The following SLC26A4 variants were observed in gnomAD, a reference collection of about 807,000 sequenced individuals.
SLC26A4 encodes solute carrier family 26 member 4.
Under a neutral mutation model 90.4 loss-of-function variants are expected in SLC26A4, and 93 were observed. That is an observed-to-expected ratio of 1.03 (90% CI 0.87 to 1.22). The LOEUF (loss-of-function observed/expected upper bound fraction) is 1.22, where lower values mean the gene tolerates loss of function less well. SLC26A4 is among the 50% of genes most tolerant of loss of function. The pLI, the probability that SLC26A4 is intolerant of heterozygous loss-of-function variation, is 0.00. For synonymous variants in SLC26A4, 393 were observed against 354.6 expected (o/e 1.11, Z -1.22); for missense variants, 1,127 against 946.2 (o/e 1.19, Z -2.51).
rs1792140379 is a variant in SLC26A4 at position 107,710,111 on chromosome 7, A to G, written c.2147A>G (p.Asp716Gly). The G allele has an allele frequency of 5.0e-6, 8 of 1,610,718 alleles. No individual in the cohort carries two copies. The East Asian group carries it at 6.7e-5, about 13-fold the overall frequency. Residue 716 changes from aspartate to glycine, a missense_variant, in exon 19 of 21, where the codon GAC becomes GGC. Physicochemically the swap from Asp to Gly is moderately conservative, Grantham distance 94 (BLOSUM62 -1). Coordinates refer to ENST00000644269, the MANE Select transcript of SLC26A4 (RefSeq NM_000441.2). Reference sequence around the variant, plus strand: ...TTCTTTGACGACAACATTAGAAAGGACACATTCTTTTTGACGGTCCATGAT... The same window carrying G: ...TTCTTTGACGACAACATTAGAAAGGGCACATTCTTTTTGACGGTCCATGAT... ...CGFFDDNIRK[D>G]TFFLTVHDAI...
rs35161285 is a variant in SLC26A4 at position 107,699,927 on chromosome 7, CAAA to C, written c.1615-142_1615-140del. Among the ~76,000 whole-genome samples the C allele has an allele frequency of 0.68, 96,032 of 140,224 alleles. 32,039 individuals carry two copies. Among genetic ancestry groups the C allele is most frequent in the East Asian group, 0.93 (4,601 of 4,950 alleles). The allele number at this position is 140,224 out of a possible 152,430, so 92.0% of individuals were successfully genotyped here. A position where few individuals can be genotyped will look rare whatever the true frequency, so the allele number is the denominator to read the frequency against. ...TGCGCAACAGAGTGAAACTCCATCTCAAAAAAAAAAAAAAAAGAAAAGAAAGAA... is the reference window on the plus strand; with the variant it reads ...TGCGCAACAGAGTGAAACTCCATCTCAAAAAAAAAAAAAGAAAAGAAAGAA... On this transcript the variant is annotated intron_variant, in intron 14 of 20. Transcript: ENST00000644269.
chr7:107,661,805 G>A lies in SLC26A4; in HGVS notation c.164G>A (p.Ser55Asn). 1 of 1,535,718 alleles carries A rather than the reference G, an allele frequency of 6.5e-7. No individual in the cohort carries two copies. The highest frequency in any genetic ancestry group is 8.7e-7 in the Non-Finnish European group (1 of 1,146,220). ...TLRESLAKCC[S>N]CSRKRAFGVL... ...CGGGAGAGCCTGGCCAAGTGCTGCA[G>A]GTAGCGGCCGCGCGGGCCTGCGTAG... Residue 55 changes from serine to asparagine, a missense_variant and splice_region_variant, in exon 2 of 21, where the codon AGT (serine) becomes AAT (asparagine). Transcript: ENST00000644269. The surrounding 1 kb of genome is among the most constrained non-coding windows in gnomAD (Gnocchi z 5.1).
chr7:107,710,665 G>T (rs1383490417), intron 19 of SLC26A4, among the ~76,000 whole-genome samples: 2 of 152,178 alleles, frequency 1.3e-5, no homozygotes, highest in Non-Finnish European at 2.9e-5. Context: ...GAAGCCCAGG[G>T]TTAATTTTTC....
At position 107,674,465 on chromosome 7, in the gene SLC26A4, A is replaced by G. The variant is rs370624024; in HGVS notation, c.600+117A>G. ...AAACAAAGTAATTTCCTGGAACCCA[A>G]AATTATTTTCTAAATTACGTTGTTT... On this transcript the variant is annotated intron_variant, in intron 5 of 20. Transcript: ENST00000644269. 359 of 881,940 alleles carry G rather than the reference A, an allele frequency of 4.1e-4. 4 individuals carry two copies. In the South Asian group the frequency reaches 5.1e-3, roughly 13 times the overall value. The allele number at this position is 881,940 out of a possible 1,614,324, so 54.6% of individuals were successfully genotyped here. A position where few individuals can be genotyped will look rare whatever the true frequency, so the allele number is the denominator to read the frequency against.
Position 107,695,952 on chromosome 7 carries a change from G to A in SLC26A4, c.1457G>A (p.Cys486Tyr), listed in dbSNP as rs765718622. Residue 486 changes from cysteine to tyrosine, a missense_variant, in exon 13 of 21, where the codon TGT becomes TAT. Physicochemically the swap from Cys to Tyr is radical, Grantham distance 194. Transcript: ENST00000644269. The part of the protein sequence containing the change: ...KIDAVIWVFT[C>Y]IVSIILGLDL... ...CCCTAGGTTATCTGGGTGTTTACGT[G>A]TATAGTGTCCATCATTCTGGGGCTG... 5.6e-6 allele frequency: 9 copies of A among 1,604,166 alleles called. No homozygotes were observed. The South Asian group carries it at 8.8e-5, about 16-fold the overall frequency.
intron 18 of SLC26A4, among the ~76,000 whole-genome samples, chr7:107,705,642 G>GT (rs34431815): frequency 0.5 from 76,698 of 151,930 alleles, 19,867 homozygotes; most frequent in East Asian, 0.64. Flanking sequence ...TCCATGACTG[G>GT]TTAAATTAAA....
At chr7:107,673,101 C>T (rs573454669) in intron 4 of SLC26A4, among the ~76,000 whole-genome samples, 5 of 152,222 alleles carry the variant, frequency 3.3e-5, no homozygotes, top group African/African-American at 1.2e-4. Context: ...GTGTTGAGTG[C>T]TTGACTAGAT....
intron 3 of SLC26A4, among the ~76,000 whole-genome samples, chr7:107,666,647 G>C (rs1004318421): frequency 1.3e-5 from 2 of 152,144 alleles, no homozygotes; most frequent in African/African-American, 4.8e-5. Context: ...GAGTGTACCA[G>C]GTAAAGGTGC....
chr7:107,663,334 T>A lies in SLC26A4; in HGVS notation c.203T>A (p.Leu68His), dbSNP rs749712560. The A allele has an allele frequency of 7.4e-6, 12 of 1,614,098 alleles. No homozygotes were observed. The highest frequency in any genetic ancestry group is 1.0e-5 in the Non-Finnish European group (12 of 1,180,038). The change falls in exon 3 of 21, where the codon CTT becomes CAT. Residue 68 changes from leucine (L) to histidine (H), a missense_variant. Coordinates refer to ENST00000644269, the MANE Select transcript of SLC26A4 (RefSeq NM_000441.2). ...AGAGCCTTTGGTGTGCTAAAGACTC[T>A]TGTGCCCATCTTGGAGTGGCTCCCC... ...RKRAFGVLKT[L>H]VPILEWLPKY...
At chr7:107,682,472 G>C (rs2129314263) in intron 6 of SLC26A4, among the ~76,000 whole-genome samples, 1 of 151,962 alleles carries the variant, frequency 6.6e-6, no homozygotes, top group East Asian at 1.9e-4. Context: ...AGTATGCTTG[G>C]CCTATATGTC....
At chr7:107,664,772 G>A (rs576530803) in intron 3 of SLC26A4, among the ~76,000 whole-genome samples, 1 of 152,118 alleles carries the variant, frequency 6.6e-6, no homozygotes, top group Non-Finnish European at 1.5e-5. Flanking sequence ...TATAGTTGGT[G>A]CCTAGCAGCA....
At chr7:107,693,503 C>G in intron 10 of SLC26A4, 10 of 985,520 alleles carry the variant, frequency 1.0e-5, no homozygotes, top group Non-Finnish European at 1.2e-5. Flanking sequence ...TGTTTCCTCT[C>G]TGATTGCTTT....
At chr7:107,685,566 C>T (rs1791374462) in intron 8 of SLC26A4, among the ~76,000 whole-genome samples, 1 of 152,140 alleles carries the variant, frequency 6.6e-6, no homozygotes, top group Admixed American at 6.5e-5. Flanking sequence ...TAAGTTAGTC[C>T]CCAATAACAA....
rs1249441022 is a variant in SLC26A4, at chr7:107,716,636, T to A, written c.*1190T>A. 2 of 152,222 alleles carry A rather than the reference T, an allele frequency of 1.3e-5. No homozygotes were observed. The highest frequency in any genetic ancestry group is 2.1e-4 in the South Asian group (1 of 4,834). 9.4% of individuals were successfully genotyped at this position (152,222 alleles called of 1,614,324 possible). On this transcript the variant is annotated 3_prime_UTR_variant, in exon 21 of 21. Coordinates refer to ENST00000644269, the MANE Select transcript of SLC26A4 (RefSeq NM_000441.2). ...TGCCAACAATTTTCTAGATATTATA[T>A]ACAACACAGGCTTTGATCTTGGGGA... is the stretch of plus-strand genomic sequence containing the variant.
chr7:107,713,947 C>T (rs966874376), intron 20 of SLC26A4, among the ~76,000 whole-genome samples: 5 of 151,960 alleles, frequency 3.3e-5, no homozygotes, highest in East Asian at 3.9e-4. Context: ...CTGAGTCTTA[C>T]TCTGTCACCT....
chr7:107,673,662 T>A (rs1790934011), intron 4 of SLC26A4, among the ~76,000 whole-genome samples: 1 of 152,204 alleles, frequency 6.6e-6, no homozygotes, highest in Non-Finnish European at 1.5e-5. Flanking sequence ...TGTATTCTAA[T>A]AACTACCTAC....
chr7:107,714,796 T>C (rs1215973972), intron 20 of SLC26A4, among the ~76,000 whole-genome samples: 1 of 152,096 alleles, frequency 6.6e-6, no homozygotes, highest in African/African-American at 2.4e-5. Flanking sequence ...TATTAGTATC[T>C]TCATGTAAAG....
rs1562822565 is a variant in SLC26A4, at chr7:107,672,150, C to T, written c.317C>T (p.Ala106Val). Residue 106 changes from alanine to valine, a missense_variant, in exon 4 of 21, where the codon GCC becomes GTC. Transcript: ENST00000644269. ...CATGTGCTTTCAGGGATGGCATATG[C>T]CCTACTAGCTGCAGTTCCTGTCGGA... ...LVATLQGMAY[A>V]LLAAVPVGYG... 2 of 1,607,844 alleles carry T rather than the reference C, an allele frequency of 1.2e-6. No individual in the cohort carries two copies. Among genetic ancestry groups the T allele is most frequent in the Non-Finnish European group, 8.5e-7 (1 of 1,174,518 alleles).
chr7:107,693,676 A>G, intron 10 of SLC26A4: 2 of 991,526 alleles, frequency 2.0e-6, no homozygotes, highest in Non-Finnish European at 2.4e-6. Flanking sequence ...GGATCTTAGG[A>G]GAGCTATTTT....
Sources: gnomAD v4.1 joint callset for allele counts (sites outside exome capture counted in the v4.1 genomes callset) on GRCh38, gnomAD v4.1.1 for gene constraint, Gnocchi (gnomAD v3.1) non-coding constraint, MANE v1.5 for transcripts, NCBI Gene and HGNC (gene_info 2026-07-23, HGNC 2026-07-21) for gene names.